NOP56: variants seen among roughly 807,000 people sequenced by gnomAD.
NOP56 encodes NOP56 ribonucleoprotein.
A neutral mutation model predicts 58.3 loss-of-function variants in NOP56; 31 were observed. The ratio of observed to expected loss-of-function variants is 0.53; its 90% confidence interval spans 0.40 to 0.72. The LOEUF is 0.72. Ranked by LOEUF, NOP56 falls within the 30% of genes least tolerant of loss-of-function variation. The pLI, the probability that NOP56 is intolerant of heterozygous loss-of-function variation, is 0.00. For synonymous variants in NOP56, 313 were observed against 282.8 expected (o/e 1.11, Z -1.07); for missense variants, 669 against 739.9 (o/e 0.90, Z 1.11).
At chr20:2,653,025 C>T (rs529857633) in intron 2 of NOP56, 94 bp downstream of exon 2, 5 of 1,148,666 alleles carry the variant, frequency 4.4e-6, no homozygotes, top group East Asian at 5.3e-5. Flanking sequence ...GCCGGCCGAG[C>T]GGTTCGGGGC....
At chr20:2,652,778 C>G (rs760359295) in intron 1 of NOP56, 64 bp from the exon 2 acceptor site, 2 of 1,562,278 alleles carry the variant, frequency 1.3e-6, no homozygotes. Flanking sequence ...TGCGCCTGCC[C>G]TGGGAACGGG....
At chr20:2,657,466 C>G in intron 11 of NOP56, 1 of 696,396 alleles carries the variant, frequency 1.4e-6, no homozygotes, top group South Asian at 1.5e-5. Flanking sequence ...CCTCGGCTGC[C>G]TCCCAGGAGT....
chr20:2,655,099 T>TA (rs753565902), intron 5 of NOP56, 152 bp downstream of exon 5: 64 of 1,083,428 alleles, frequency 5.9e-5, no homozygotes, highest in Non-Finnish European at 8.8e-5. Flanking sequence ...GCTGTGTTCT[T>TA]ACACTGACTG....
At position 2,658,103 on chromosome 20, in the gene NOP56, C is replaced by G. The variant is rs766676480; in HGVS notation, c.1594C>G (p.Pro532Ala). ...AGAGACCGCTGGCAGCACCAGTATT[C>G]CCAAGAGGAAGAAGTCTACACCCAA... ...LEETAGSTSI[P>A]KRKKSTPKEE... Residue 532 changes from proline to alanine, a missense_variant, in exon 12 of 12, where the codon CCC becomes GCC. Physicochemically the swap from Pro to Ala is conservative, Grantham distance 27. Transcript: ENST00000329276. 6.2e-7 allele frequency: 1 copy of G among 1,613,922 alleles called. No individual in the cohort carries two copies. Among genetic ancestry groups the G allele is most frequent in the Non-Finnish European group, 8.5e-7 (1 of 1,180,008 alleles).
rs2086797354 is a variant in NOP56 at position 2,654,933 on chromosome 20, C to T, written c.555C>T (p.Phe185=). The T allele has an allele frequency of 3.1e-6, 5 of 1,614,204 alleles. No homozygotes were observed. The African/African-American group carries it at 6.7e-5, about 22-fold the overall frequency. ...AGCTGGATAAGGACATCAATACCTT[C>T]TCTATGCGTGTCAGGTAAAGTGCAG... The part of the protein sequence containing the change: ...LDQLDKDINT[F]SMRVREWYGY... Residue 185 remains phenylalanine, a synonymous_variant, in exon 5 of 12, where the codon TTC becomes TTT. Coordinates refer to ENST00000329276, the MANE Select transcript of NOP56 (RefSeq NM_006392.4).
chr20:2,656,639 T>C (rs1419806699), intron 9 of NOP56, 90 bp downstream of exon 9: 2 of 1,607,598 alleles, frequency 1.2e-6, no homozygotes, highest in Non-Finnish European at 1.7e-6. Flanking sequence ...ATGATGGCAA[T>C]ATTTTTCGTC....
At chr20:2,653,038 G>A (rs1053987697) in intron 2 of NOP56, 107 bp downstream of exon 2, 2 of 1,047,182 alleles carry the variant, frequency 1.9e-6, no homozygotes, top group Non-Finnish European at 2.8e-6. Flanking sequence ...TTCGGGGCGG[G>A]GGGACGGGCC....
rs751782472 is a variant in NOP56 at position 2,654,508 on chromosome 20, T to C, written c.303T>C (p.Gly101=). Residue 101 remains glycine, a synonymous_variant, in exon 4 of 12, where the codon GGT becomes GGC. Coordinates refer to ENST00000329276, the MANE Select transcript of NOP56 (RefSeq NM_006392.4). ...VLLGVGDPKI[G]AAIQEELGYN... is the part of the protein sequence containing the mutation. Reference sequence around the variant, plus strand: ...TGGGAGTTGGGGATCCCAAGATTGGTGCCGCAATACAGGAGGAGTTAGGGT... The same window carrying C: ...TGGGAGTTGGGGATCCCAAGATTGGCGCCGCAATACAGGAGGAGTTAGGGT... 6.2e-7 allele frequency: 1 copy of C among 1,614,158 alleles called. No homozygotes were observed. Among genetic ancestry groups the C allele is most frequent in the South Asian group, 1.1e-5 (1 of 91,070 alleles).
Position 2,653,301 on chromosome 20 carries a change from T to C in NOP56, c.116T>C (p.Leu39Pro). 6.2e-7 allele frequency: 1 copy of C among 1,614,164 alleles called. No individual in the cohort carries two copies. The highest frequency in any genetic ancestry group is 2.2e-5 in the East Asian group (1 of 44,884). ...QPQVEESVLN[L>P]GKFHSIVRLV... The stretch of plus-strand genomic sequence containing the variant: ...CAGGTGGAGGAGTCTGTGCTCAACC[T>C]GGGCAAATTCCACAGCATCGTTCGT... The change falls in exon 3 of 12, where the codon CTG becomes CCG. Residue 39 changes from leucine to proline, a missense_variant. By Grantham distance (98) the Leu-to-Pro change is moderately conservative. Transcript: ENST00000329276.
chr20:2,657,792 G>A (rs2086846105), intron 11 of NOP56, 137 bp from the exon 12 acceptor site: 1 of 985,464 alleles, frequency 1.0e-6, no homozygotes, highest in Non-Finnish European at 1.5e-6. Context: ...GATTTCTAAA[G>A]TTATACCCAC....
rs6138678 is a variant in NOP56 at position 2,652,650 on chromosome 20, G to A, written c.-11G>A. 4.2e-6 allele frequency: 6 copies of A among 1,424,786 alleles called. No homozygotes were observed. The East Asian group carries it at 1.7e-4, about 41-fold the overall frequency. 88.3% of individuals were successfully genotyped at this position (1,424,786 alleles called of 1,614,324 possible). ...TAGCCGCATTGCGAGCCGAACCCGG[G>A]AGCTGGCGCCATGGTGAGGAGTGGT... On this transcript the variant is annotated 5_prime_UTR_variant, in exon 1 of 12. Transcript: ENST00000329276.
rs927145273 is a variant in NOP56, at chr20:2,657,936, G to A, written c.1427G>A (p.Ser476Asn). ...CCCTGTCCTTCCCTTTAGGAGATGA[G>A]TGAAAAACCCAAAAAGAAGAAAAAG... Reference protein sequence around the residue: ...SSTPEECEEMSEKPKKKKKQK... With the variant: ...SSTPEECEEMNEKPKKKKKQK... The change falls in exon 12 of 12, where the codon AGT becomes AAT. Residue 476 changes from serine to asparagine, a missense_variant. By Grantham distance (46) the Ser-to-Asn change is conservative. Around this residue, in one of 3 missense-constraint regions of NOP56, gnomAD observed 209 missense variants for 196.2 expected, o/e 1.07. Transcript: ENST00000329276. The A allele has an allele frequency of 6.3e-6, 10 of 1,585,542 alleles. No homozygotes were observed. The highest frequency in any genetic ancestry group is 7.7e-6 in the Non-Finnish European group (9 of 1,165,594).
chr20:2,652,632 A>G lies in NOP56; in HGVS notation c.-29A>G, dbSNP rs1049123412. The G allele has an allele frequency of 2.9e-6, 4 of 1,401,986 alleles. No homozygotes were observed. The highest frequency in any genetic ancestry group is 3.6e-5 in the Admixed American group (1 of 27,922). The allele number at this position is 1,401,986 out of a possible 1,614,324, so 86.8% of individuals were successfully genotyped here. On this transcript the variant is annotated 5_prime_UTR_variant, in exon 1 of 12. Transcript: ENST00000329276. ...CCGCGCGCCGGAGCGCGCTAGCCGC[A>G]TTGCGAGCCGAACCCGGGAGCTGGC...
chr20:2,654,132 G>A (rs2086786322), intron 3 of NOP56: 1 of 644,884 alleles, frequency 1.6e-6, no homozygotes, highest in African/African-American at 1.8e-5. Flanking sequence ...AAATACTCGA[G>A]GGTGTGTTAC....
Position 2,656,802 on chromosome 20 carries a change from G to C in NOP56, c.1188G>C (p.Lys396Asn), listed in dbSNP as rs765430916. Residue 396 changes from lysine to asparagine, a missense_variant, in exon 10 of 12, where the codon AAG becomes AAC. Lys to Asn is a moderately conservative substitution (Grantham distance 94, BLOSUM62 0). Around this residue, in one of 3 missense-constraint regions of NOP56, gnomAD observed 339 missense variants for 430.5 expected, o/e 0.79. Transcript: ENST00000329276. The part of the protein sequence containing the change: ...SEVPTSVFGE[K>N]LREQVEERLS... ...TGCCCACGAGTGTATTCGGGGAGAAGCTTCGAGAACAAGTTGAAGAGCGAC... is the reference window on the plus strand; with the variant it reads ...TGCCCACGAGTGTATTCGGGGAGAACCTTCGAGAACAAGTTGAAGAGCGAC... 23 of 1,614,020 alleles carry C rather than the reference G, an allele frequency of 1.4e-5. No homozygotes were observed. Among genetic ancestry groups the C allele is most frequent in the African/African-American group, 2.7e-5 (2 of 74,902 alleles).
chr20:2,655,264 C>G (rs1414491352), intron 5 of NOP56, 61 bp from the exon 6 acceptor site: 3 of 1,591,740 alleles, frequency 1.9e-6, no homozygotes, highest in Middle Eastern at 1.7e-4. Context: ...GAAGGCAAGG[C>G]TGTAGCTCTA....
In NOP56 at chr20:2,657,936, G is replaced by C. The variant is rs927145273; in HGVS notation, c.1427G>C (p.Ser476Thr). Reference protein sequence around the residue: ...SSTPEECEEMSEKPKKKKKQK... With the variant: ...SSTPEECEEMTEKPKKKKKQK... The stretch of plus-strand genomic sequence containing the variant: ...CCCTGTCCTTCCCTTTAGGAGATGA[G>C]TGAAAAACCCAAAAAGAAGAAAAAG... Residue 476 changes from serine to threonine, a missense_variant, in exon 12 of 12, where the codon AGT becomes ACT. Ser to Thr is a moderately conservative substitution (Grantham distance 58). Around this residue, in one of 3 missense-constraint regions of NOP56, gnomAD observed 209 missense variants for 196.2 expected, o/e 1.07. Coordinates refer to ENST00000329276, the MANE Select transcript of NOP56 (RefSeq NM_006392.4). 2 of 1,585,542 alleles carry C rather than the reference G, an allele frequency of 1.3e-6. No individual in the cohort carries two copies. Among genetic ancestry groups the C allele is most frequent in the South Asian group, 2.3e-5 (2 of 87,610 alleles).
Position 2,658,175 on chromosome 20 carries a change from T to C in NOP56, c.1666T>C (p.Ser556Pro), listed in dbSNP as rs769515043. 2 of 1,611,686 alleles carry C rather than the reference T, an allele frequency of 1.2e-6. No homozygotes were observed. Among genetic ancestry groups the C allele is most frequent in the Non-Finnish European group, 8.5e-7 (1 of 1,178,924 alleles). ...DPEEAGHRSG[S>P]KKKRKFSKEE... ...TGAGGAGGCAGGCCACAGAAGTGGCTCCAAGAAAAAGAGGAAATTCTCCAA... is the reference window on the plus strand; with the variant it reads ...TGAGGAGGCAGGCCACAGAAGTGGCCCCAAGAAAAAGAGGAAATTCTCCAA... Residue 556 changes from serine to proline, a missense_variant, in exon 12 of 12, where the codon TCC becomes CCC. This residue lies in a region of NOP56 where 209 missense variants were observed against 196.2 expected (regional missense o/e 1.07). Coordinates refer to ENST00000329276, the MANE Select transcript of NOP56 (RefSeq NM_006392.4).
chr20:2,654,544 G>T lies in NOP56; in HGVS notation c.339G>T (p.Gln113His). ...AGGAGGAGTTAGGGTACAACTGCCAGACTGGAGGAGTCATAGCTGAGATCC... is the reference window on the plus strand; with the variant it reads ...AGGAGGAGTTAGGGTACAACTGCCATACTGGAGGAGTCATAGCTGAGATCC... The part of the protein sequence containing the change: ...AIQEELGYNC[Q>H]TGGVIAEILR... The change falls in exon 4 of 12, where the codon CAG (glutamine) becomes CAT (histidine). Residue 113 changes from glutamine (Q) to histidine (H), a missense_variant. Physicochemically the swap from Gln to His is conservative, Grantham distance 24. This residue lies in a region of NOP56 where 339 missense variants were observed against 430.5 expected (regional missense o/e 0.79). Transcript: ENST00000329276. 6.2e-7 allele frequency: 1 copy of T among 1,614,218 alleles called. No individual in the cohort carries two copies. The highest frequency in any genetic ancestry group is 1.3e-5 in the African/African-American group (1 of 75,056).
Sources: allele counts gnomAD v4.1 joint callset, GRCh38; gene constraint gnomAD v4.1.1; regional missense constraint gnomAD v4.1.1; transcripts MANE v1.5; gene names NCBI Gene and HGNC (gene_info 2026-07-23, HGNC 2026-07-21).